Variants in ANO4 observed in about 807,000 individuals in gnomAD.
ANO4 encodes anoctamin-4.
A neutral mutation model predicts 141.9 loss-of-function variants in ANO4; 69 were observed. The ratio of observed to expected loss-of-function variants is 0.49; its 90% CI spans 0.40 to 0.59. ANO4 has a LOEUF of 0.59. Among genes scored for constraint, ANO4 ranks in the 20% least tolerant of loss-of-function variants. The probability of loss-of-function intolerance (pLI) is 0.00; values close to 1 mark genes in which losing one functional copy is unlikely to be tolerated. For missense variants in ANO4, 894 were observed against 1,162.2 expected (o/e 0.77, Z 3.36); for synonymous variants, 350 against 394.3 (o/e 0.89, Z 1.33).
chr12:100,825,004 C>T (rs1363530298), intron 1 of ANO4, among the ~76,000 whole-genome samples: 1 of 151,886 alleles, frequency 6.6e-6, no homozygotes, highest in African/African-American at 2.4e-5. Context: ...AACAATATGG[C>T]ATTGGAACTT....
chr12:100,987,374 T>C (rs2044753519), intron 7 of ANO4, among the ~76,000 whole-genome samples, 165 bp from the exon 8 acceptor site: 1 of 151,984 alleles, frequency 6.6e-6, no homozygotes, highest in Non-Finnish European at 1.5e-5. Context: ...AACACTAGAG[T>C]TCTGGCTGTC....
At chr12:100,841,603 A>C (rs2037252387) in intron 1 of ANO4, among the ~76,000 whole-genome samples, 1 of 152,284 alleles carries the variant, frequency 6.6e-6, no homozygotes, top group South Asian at 2.1e-4. Context: ...ACAGTCCTAA[A>C]TAAAGTGAGG....
At chr12:100,832,813 T>C (rs1338496228) in intron 1 of ANO4, among the ~76,000 whole-genome samples, 1 of 152,132 alleles carries the variant, frequency 6.6e-6, no homozygotes, top group Non-Finnish European at 1.5e-5. Context: ...GTCTTAAAGA[T>C]ACCATCTTAA....
rs113047123 is a variant in ANO4 at position 100,787,355 on chromosome 12, A to G, written c.358+47250A>G. On this transcript the variant is annotated intron_variant, in intron 3 of 29. Transcript: ENST00000644049. ...GAAAAAGCCTGTGCCAGGACCCTGA[A>G]GTTTTCAACAGCTTGGTGAGTTTTG... Among the ~76,000 whole-genome samples, 40 of 152,320 alleles carry G rather than the reference A, an allele frequency of 2.6e-4. 1 individual carries two copies. The highest frequency in any genetic ancestry group is 8.9e-4 in the African/African-American group (37 of 41,570).
chr12:100,875,921 C>T (rs1416203823), intron 1 of ANO4, among the ~76,000 whole-genome samples: 1 of 152,094 alleles, frequency 6.6e-6, no homozygotes, highest in Admixed American at 6.6e-5. Context: ...ACCTCTTAGA[C>T]ATCCTAGTGG....
At chr12:101,041,926 TAGAC>T (rs903253066) in intron 11 of ANO4, among the ~76,000 whole-genome samples, 2 of 152,154 alleles carry the variant, frequency 1.3e-5, no homozygotes, top group African/African-American at 4.8e-5. Flanking sequence ...TGTCATCTCT[TAGAC>T]AGTTCCTATC....
intron 8 of ANO4, among the ~76,000 whole-genome samples, chr12:101,002,750 A>G (rs2045705683): frequency 6.6e-6 from 1 of 152,202 alleles, no homozygotes; most frequent in South Asian, 2.1e-4. Flanking sequence ...ACTGACTATT[A>G]TATCACAGTT....
At chr12:100,898,585 A>G (rs867456301) in intron 1 of ANO4, among the ~76,000 whole-genome samples, 9 of 152,252 alleles carry the variant, frequency 5.9e-5, no homozygotes, top group African/African-American at 2.2e-4. Flanking sequence ...TTTTGCTATG[A>G]TCTACATTAT....
intron 1 of ANO4, among the ~76,000 whole-genome samples, chr12:100,726,475 G>A (rs1203387639): frequency 2.0e-5 from 3 of 152,180 alleles, no homozygotes; most frequent in African/African-American, 4.8e-5. Context: ...GATTCCTAAG[G>A]CCTTGAGAGT....
intron 1 of ANO4, among the ~76,000 whole-genome samples, chr12:100,899,800 A>T (rs1297291912): frequency 6.6e-6 from 1 of 151,914 alleles, no homozygotes; most frequent in Non-Finnish European, 1.5e-5. Context: ...CTTTAAAATA[A>T]TTTTTTTTAC....
chr12:101,020,578 C>A (rs183046400), intron 9 of ANO4, among the ~76,000 whole-genome samples: 55 of 152,256 alleles, frequency 3.6e-4, no homozygotes, highest in African/African-American at 1.3e-3. Flanking sequence ...ATGATGAGGG[C>A]AAGCTTCACT....
chr12:100,965,907 A>G (rs1592861520), intron 5 of ANO4, among the ~76,000 whole-genome samples: 1 of 152,068 alleles, frequency 6.6e-6, no homozygotes, highest in Non-Finnish European at 1.5e-5. Flanking sequence ...CTCCCACTCT[A>G]GATTGTAAAT....
chr12:101,025,417 CAGAA>C (rs577559027), intron 9 of ANO4, among the ~76,000 whole-genome samples: 101 of 152,056 alleles, frequency 6.6e-4, no homozygotes, highest in Admixed American at 3.1e-3. Flanking sequence ...CGAGAGTTCA[CAGAA>C]AGAAGTACCG....
At position 100,942,200 on chromosome 12, in the gene ANO4, C is replaced by T. The variant is rs546463930; in HGVS notation, c.298-177C>T. Among the ~76,000 whole-genome samples, 20 of 152,140 alleles carry T rather than the reference C, an allele frequency of 1.3e-4. No homozygotes were observed. The South Asian group carries it at 3.3e-3, about 25-fold the overall frequency. On this transcript the variant is annotated intron_variant, in intron 4 of 27. Transcript: ENST00000392977. ...TTCACCATATTGGCCAGGCTGGTCT[C>T]GAACTCCTGACCTCGTGATCCACCC...
chr12:100,899,652 CCT>C (rs764094012), intron 1 of ANO4, among the ~76,000 whole-genome samples: 1 of 152,170 alleles, frequency 6.6e-6, no homozygotes, highest in African/African-American at 2.4e-5. Flanking sequence ...CAGGTCATAT[CCT>C]CTTTTTCCCC....
intron 2 of ANO4, among the ~76,000 whole-genome samples, chr12:100,736,912 C>A (rs2031642156): frequency 6.6e-6 from 1 of 152,094 alleles, no homozygotes; most frequent in Non-Finnish European, 1.5e-5. Flanking sequence ...ATAGCACAGC[C>A]CTGCTGACAC....
At chr12:101,052,438 CAG>C (rs574727411) in intron 14 of ANO4, among the ~76,000 whole-genome samples, 2 of 152,294 alleles carry the variant, frequency 1.3e-5, no homozygotes, top group South Asian at 4.1e-4. Context: ...GTCGGGGAAA[CAG>C]ATTATTTCCC....
intron 14 of ANO4, among the ~76,000 whole-genome samples, chr12:101,056,218 G>T (rs1049482423): frequency 2.0e-5 from 3 of 152,104 alleles, no homozygotes; most frequent in Admixed American, 6.5e-5. Context: ...TGTCAGTTTG[G>T]AAAGATTGAG....
intron 5 of ANO4, among the ~76,000 whole-genome samples, chr12:100,956,842 T>C (rs1478956233): frequency 6.6e-6 from 1 of 152,230 alleles, no homozygotes; most frequent in Non-Finnish European, 1.5e-5. Context: ...TTAGTCTTGA[T>C]TCCTTATGTC....
Sources: gnomAD v4.1 joint callset for allele counts (sites outside exome capture counted in the v4.1 genomes callset) on GRCh38, gnomAD v4.1.1 for gene constraint, MANE v1.5 for transcripts, NCBI Gene and HGNC (gene_info 2026-07-23, HGNC 2026-07-21) for gene names.